C21orf58: variants seen among roughly 807,000 people sequenced by gnomAD.
C21orf58 encodes chromosome 21 open reading frame 58.
A neutral mutation model predicts 35.8 loss-of-function variants in C21orf58; 34 were observed. That is an observed-to-expected ratio of 0.95 (90% CI 0.72 to 1.26). The LOEUF (loss-of-function observed/expected upper bound fraction) is 1.26. C21orf58 is among the 50% of genes most tolerant of loss of function. The pLI is 0.00. For synonymous variants in C21orf58, 191 were observed against 175.8 expected (o/e 1.09, Z -0.68); for missense variants, 440 against 414.3 (o/e 1.06, Z -0.54).
chr21:46,300,718 C>T, downstream of C21orf58: 8 of 1,286,852 alleles, frequency 6.2e-6, no homozygotes, highest in Non-Finnish European at 8.1e-6. Context: ...CTGTCTCCTA[C>T]CTGCAAACTT....
rs1445439269 is a variant in C21orf58 at position 46,322,805 on chromosome 21, C to T, written c.-67G>A. On this transcript the variant is annotated 5_prime_UTR_variant, in exon 1 of 8. Transcript: ENST00000291691. The stretch of plus-strand genomic sequence containing the variant: ...AAGAAAAAAAATTCTGAGCGAGATT[C>T]CAGGGCTTCCTGAGGGCGCGTTTAA... The T allele has an allele frequency of 2.7e-6, 3 of 1,121,050 alleles. No homozygotes were observed. In the East Asian group the frequency reaches 9.3e-5, roughly 35 times the overall value. The allele number at this position is 1,121,050 out of a possible 1,614,324, so 69.4% of individuals were successfully genotyped here.
intron 5 of C21orf58, 91 bp downstream of exon 5, chr21:46,314,625 C>T (rs993753585): frequency 9.3e-7 from 1 of 1,070,454 alleles, no homozygotes; most frequent in Non-Finnish European, 1.3e-6. Context: ...GGCAACCTCG[C>T]TGCAGGCACA....
chr21:46,312,164 C>A (rs1283644735), intron 5 of C21orf58, among the ~76,000 whole-genome samples: 4 of 152,290 alleles, frequency 2.6e-5, no homozygotes, highest in African/African-American at 9.6e-5. Context: ...ACCCCAGACA[C>A]TGAATAAATG....
At chr21:46,318,518 C>A in intron 1 of C21orf58, 1 of 1,295,602 alleles carries the variant, frequency 7.7e-7, no homozygotes. Flanking sequence ...AGCCTCAGGA[C>A]CCAGTCCAGA....
At chr21:46,317,096 T>A (rs2083000142) in intron 3 of C21orf58, 112 bp downstream of exon 3, 1 of 829,194 alleles carries the variant, frequency 1.2e-6, no homozygotes, top group Non-Finnish European at 1.9e-6. Flanking sequence ...GTACCAGGAG[T>A]GGGGGTGATT....
downstream of C21orf58, chr21:46,300,590 G>C: frequency 2.7e-6 from 3 of 1,119,232 alleles, no homozygotes; most frequent in Non-Finnish European, 3.4e-6. Flanking sequence ...TGAGAGAAGT[G>C]AGTGTTACTG....
In C21orf58 at chr21:46,314,887, G is replaced by C; in HGVS notation, c.445-7C>G. ...CGTCCAGGAGGTGTTGTTCCTGCAA[G>C]GCCGATGCAGAGCTGCTGCACACGG... On this transcript the variant is annotated splice_region_variant and splice_polypyrimidine_tract_variant and intron_variant, in intron 4 of 7. Coordinates refer to ENST00000291691, the MANE Select transcript of C21orf58 (RefSeq NM_058180.5). 6.4e-7 allele frequency: 1 copy of C among 1,550,412 alleles called. No homozygotes were observed. The highest frequency in any genetic ancestry group is 1.2e-5 in the South Asian group (1 of 84,068).
intron 5 of C21orf58, chr21:46,312,890 G>A (rs2082803011): frequency 1.8e-6 from 1 of 548,852 alleles, no homozygotes; most frequent in Non-Finnish European, 2.3e-6. Context: ...ATCATATACT[G>A]TAGTACATAT....
chr21:46,311,932 C>A (rs1262237474), intron 5 of C21orf58, among the ~76,000 whole-genome samples: 1 of 150,034 alleles, frequency 6.7e-6, no homozygotes, highest in Non-Finnish European at 1.5e-5. Flanking sequence ...TCCATCCAAC[C>A]AACCAACCAT....
intron 1 of C21orf58, chr21:46,318,970 C>CCCT: frequency 3.7e-6 from 2 of 534,486 alleles, no homozygotes; most frequent in Non-Finnish European, 4.8e-6. Context: ...ACCTGTGGAC[C>CCCT]CGAGGGGCAG....
chr21:46,317,138 G>GGTGGCTCCCCCTGGA, intron 3 of C21orf58, 70 bp downstream of exon 3: 1 of 1,411,586 alleles, frequency 7.1e-7, no homozygotes, highest in Non-Finnish European at 9.8e-7. Flanking sequence ...TCCCCCTGGA[G>GGTGGCTCCCCCTGGA]GTGGCTCCCC....
At chr21:46,316,746 G>A (rs1356312296) in intron 3 of C21orf58, among the ~76,000 whole-genome samples, 1 of 152,210 alleles carries the variant, frequency 6.6e-6, no homozygotes, top group Non-Finnish European at 1.5e-5. Flanking sequence ...TCTGCCCTTG[G>A]CAGCTGAGCC....
At position 46,301,961 on chromosome 21, in the gene C21orf58, G is replaced by A. The variant is rs1048621519; in HGVS notation, c.*38C>T. ...CCCACAGCCCTGAGGAAGCCTGGGG[G>A]TGGAGGGTGCCCCGGCCAGGGTCTC... On this transcript the variant is annotated 3_prime_UTR_variant, in exon 8 of 8. Transcript: ENST00000291691. 2.0e-6 allele frequency: 3 copies of A among 1,479,374 alleles called. No homozygotes were observed. In the African/African-American group the frequency reaches 4.3e-5, roughly 21 times the overall value. The allele number at this position is 1,479,374 out of a possible 1,614,324, so 91.6% of individuals were successfully genotyped here.
In C21orf58 at chr21:46,317,193, C is replaced by T. The variant is rs1159094947; in HGVS notation, c.370+15G>A. 1.9e-6 allele frequency: 3 copies of T among 1,607,942 alleles called. No individual in the cohort carries two copies. In the African/African-American group the frequency reaches 4.0e-5, roughly 21 times the overall value. ...GTCTGTCTGTGCTGGTTCCAAGCAGCCCAGGGGCTCTCACCTGGCTCGAGG... is the reference window on the plus strand; with the variant it reads ...GTCTGTCTGTGCTGGTTCCAAGCAGTCCAGGGGCTCTCACCTGGCTCGAGG... On this transcript the variant is annotated intron_variant, in intron 3 of 7. Coordinates refer to ENST00000291691, the MANE Select transcript of C21orf58 (RefSeq NM_058180.5).
In C21orf58 at chr21:46,315,547, C is replaced by G; in HGVS notation, c.371G>C (p.Gly124Ala). The G allele has an allele frequency of 6.2e-7, 1 of 1,606,630 alleles. No homozygotes were observed. Among genetic ancestry groups the G allele is most frequent in the Non-Finnish European group, 8.5e-7 (1 of 1,173,676 alleles). Residue 124 changes from glycine to alanine, a missense_variant and splice_region_variant, in exon 4 of 8, where the codon GGA becomes GCA. Transcript: ENST00000291691. ...GGPEGLHLEP[G>A]NEDRPDDALQ... is the part of the protein sequence containing the mutation. Reference sequence around the variant, plus strand: ...GGCATCGTCCGGCCGGTCCTCATTTCCTGGAGGGAAGAACCTGCTTGCTTA... The same window carrying G: ...GGCATCGTCCGGCCGGTCCTCATTTGCTGGAGGGAAGAACCTGCTTGCTTA...
At chr21:46,319,408 A>G (rs1277258853) in intron 1 of C21orf58, among the ~76,000 whole-genome samples, 1 of 152,212 alleles carries the variant, frequency 6.6e-6, no homozygotes, top group East Asian at 1.9e-4. Context: ...ACACATTCCC[A>G]GATGGCAGTC....
intron 1 of C21orf58, 115 bp from the exon 2 acceptor site, chr21:46,318,335 G>C: frequency 6.7e-7 from 1 of 1,501,294 alleles, no homozygotes; most frequent in South Asian, 1.3e-5. Context: ...GACACAGGGA[G>C]GCCCCAGGTT....
chr21:46,317,976 T>C (rs1407524034), intron 2 of C21orf58, 36 bp downstream of exon 2: 2 of 1,608,212 alleles, frequency 1.2e-6, no homozygotes, highest in Non-Finnish European at 8.5e-7. Flanking sequence ...AGCCTGCGAG[T>C]TGTTAAAAAC....
chr21:46,318,706 G>A (rs1476234920), intron 1 of C21orf58: 4 of 1,028,044 alleles, frequency 3.9e-6, no homozygotes, highest in Non-Finnish European at 4.7e-6. Flanking sequence ...AGAAGGGGTA[G>A]GACAGAGGAG....
Sources: allele counts gnomAD v4.1 joint callset (sites outside exome capture counted in the v4.1 genomes callset), GRCh38; gene constraint gnomAD v4.1.1; transcripts MANE v1.5; gene names NCBI Gene and HGNC (gene_info 2026-07-23, HGNC 2026-07-21).